ABI2: variants seen among roughly 807,000 people sequenced by gnomAD.
The protein encoded by ABI2 is abl interactor 2, also known as abelson interactor 2.
Under a neutral mutation model 59.2 loss-of-function variants are expected in ABI2, and 25 were observed. That is an observed-to-expected ratio of 0.42 (90% confidence interval 0.31 to 0.59). ABI2 has a LOEUF of 0.59. Among genes scored for constraint, ABI2 ranks in the 20% least tolerant of loss-of-function variants. The pLI is 0.14. For missense variants in ABI2, 545 were observed against 681.8 expected (o/e 0.80, Z 2.23); for synonymous variants, 213 against 235.5 (o/e 0.90, Z 0.87).
intron 2 of ABI2, among the ~76,000 whole-genome samples, chr2:203,371,914 TTTTA>T (rs1241333132): frequency 4.0e-5 from 6 of 151,746 alleles, no homozygotes; most frequent in African/African-American, 1.4e-4. Flanking sequence ...TCTTTTTTCT[TTTTA>T]TTTTTATTTT....
At chr2:203,398,914 G>A (rs2097111718) in intron 8 of ABI2, among the ~76,000 whole-genome samples, 1 of 152,046 alleles carries the variant, frequency 6.6e-6, no homozygotes, top group Admixed American at 6.5e-5. Context: ...GTGTTGTATT[G>A]TATGGGGATG....
intron 2 of ABI2, among the ~76,000 whole-genome samples, chr2:203,372,419 G>T (rs1237945732): frequency 6.6e-6 from 1 of 151,990 alleles, no homozygotes; most frequent in African/African-American, 2.4e-5. Flanking sequence ...TTGTCATCCC[G>T]GCCCGTTCTC....
At chr2:203,408,931 C>T (rs552692873) in intron 9 of ABI2, among the ~76,000 whole-genome samples, 72 of 136,492 alleles carry the variant, frequency 5.3e-4, no homozygotes, top group Non-Finnish European at 7.3e-4. Flanking sequence ...CTCCGCTTCC[C>T]GGGTTCACGC....
intron 1 of ABI2, among the ~76,000 whole-genome samples, chr2:203,338,046 A>G (rs1033293467): frequency 2.6e-5 from 4 of 152,176 alleles, no homozygotes; most frequent in African/African-American, 9.7e-5. Context: ...AGCTATAGTA[A>G]TCAAAACAGT....
intron 2 of ABI2, among the ~76,000 whole-genome samples, chr2:203,379,800 A>G (rs889542853): frequency 3.9e-5 from 6 of 152,240 alleles, no homozygotes; most frequent in Non-Finnish European, 8.8e-5. Context: ...GTTGTGGCTC[A>G]TCTCTGCCAT....
chr2:203,328,550 C>T lies in ABI2; in HGVS notation c.36C>T (p.Ile12=). The T allele has an allele frequency of 6.2e-7, 1 of 1,604,868 alleles. No individual in the cohort carries two copies. The highest frequency in any genetic ancestry group is 1.4e-5 in the African/African-American group (1 of 73,584). The stretch of plus-strand genomic sequence containing the variant: ...TGCAGATGCTGCTGGAAGAGGAAAT[C>T]CCGGGGGGCCGCCGGGCCCTCTTCG... The part of the protein sequence containing the change: ...AELQMLLEEE[I]PGGRRALFDS... The change falls in exon 1 of 12, where the codon ATC becomes ATT. Residue 12 remains isoleucine, a synonymous_variant. Transcript: ENST00000261018.
chr2:203,378,895 A>G (rs1578076023), intron 2 of ABI2, among the ~76,000 whole-genome samples: 1 of 152,266 alleles, frequency 6.6e-6, no homozygotes, highest in Non-Finnish European at 1.5e-5. Flanking sequence ...TCATGTATAT[A>G]TTTATATATA....
intron 6 of ABI2, chr2:203,395,093 GA>G (rs1318673619): frequency 1.4e-6 from 1 of 706,846 alleles, no homozygotes; most frequent in South Asian, 1.5e-5. Context: ...AGTTGATCTG[GA>G]AAAAAAATTA....
At position 203,384,164 on chromosome 2, in the gene ABI2, G is replaced by A. The variant is rs2096305668; in HGVS notation, c.480+1958G>A. Among the ~76,000 whole-genome samples the A allele has an allele frequency of 4.6e-5, 7 of 152,198 alleles. No individual in the cohort carries two copies. In the South Asian group the frequency reaches 1.2e-3, roughly 27 times the overall value. On this transcript the variant is annotated intron_variant, in intron 4 of 11. Transcript: ENST00000261018. ...AAAACACTATGGTAATAGTTTTATA[G>A]CAAAGGACGTACAAGGTCAGTGGAT...
Position 203,375,349 on chromosome 2 carries a change from C to T in ABI2, c.286-4859C>T, listed in dbSNP as rs991836501. 1.5e-4 allele frequency among the ~76,000 whole-genome samples: 23 copies of T among 152,038 alleles called. 1 individual carries two copies. Among genetic ancestry groups the T allele is most frequent in the Admixed American group, 1.3e-3 (20 of 15,268 alleles). On this transcript the variant is annotated intron_variant, in intron 2 of 11. Coordinates refer to ENST00000261018, the MANE Select transcript of ABI2 (RefSeq NM_001375670.1). ...GCTAGCAGAACACATTTTTTACTTG[C>T]CACAGGTGAGTGCTGTTATTGAGGT... is the stretch of plus-strand genomic sequence containing the variant.
At chr2:203,423,574 G>C (rs759808062) in intron 11 of ABI2, among the ~76,000 whole-genome samples, 11 of 152,088 alleles carry the variant, frequency 7.2e-5, no homozygotes, top group Non-Finnish European at 1.2e-4. Flanking sequence ...TACAGGCGCC[G>C]GCCACCATGC....
rs747005348 is a variant in ABI2, at chr2:203,395,711, A to T, written c.781A>T (p.Asn261Tyr). 1 of 1,612,312 alleles carries T rather than the reference A, an allele frequency of 6.2e-7. No individual in the cohort carries two copies. The highest frequency in any genetic ancestry group is 8.5e-7 in the Non-Finnish European group (1 of 1,179,278). ...HPSSRSSSRE[N>Y]SGSGSVGVPI... ...AAGTAGTCGGAGCAGCAGTCGAGAG[A>T]ACAGTGGAAGTGGTAGTGTGGGGGT... is the stretch of plus-strand genomic sequence containing the variant. Residue 261 changes from asparagine (N) to tyrosine (Y), a missense_variant, in exon 7 of 12, where the codon AAC becomes TAC. Asn to Tyr is a moderately radical substitution (Grantham distance 143). Coordinates refer to ENST00000261018, the MANE Select transcript of ABI2 (RefSeq NM_001375670.1).
At position 203,407,736 on chromosome 2, in the gene ABI2, G is replaced by A. The variant is rs552843009; in HGVS notation, c.1193-3549G>A. Among the ~76,000 whole-genome samples the A allele has an allele frequency of 2.0e-5, 3 of 152,254 alleles. No homozygotes were observed. In the South Asian group the frequency reaches 6.2e-4, roughly 32 times the overall value. On this transcript the variant is annotated intron_variant, in intron 9 of 11. Transcript: ENST00000261018. Reference sequence around the variant, plus strand: ...ATTGGGAAAGAGTCTTGTCTTATGAGGAATCATTTTAGCTAAATGAAATGA... The same window carrying A: ...ATTGGGAAAGAGTCTTGTCTTATGAAGAATCATTTTAGCTAAATGAAATGA...
intron 2 of ABI2, among the ~76,000 whole-genome samples, chr2:203,370,228 T>TATGTG (rs2095020294): frequency 8.5e-6 from 1 of 117,462 alleles, no homozygotes; most frequent in Non-Finnish European, 1.8e-5. Flanking sequence ...CTCTCTCTCT[T>TATGTG]TCTGTGTGTA....
At chr2:203,374,880 C>A (rs1345493916) in intron 2 of ABI2, 2 of 453,128 alleles carry the variant, frequency 4.4e-6, no homozygotes, top group East Asian at 1.4e-4. Context: ...AGTCAACTTT[C>A]AATTATCTGT....
At chr2:203,358,667 T>G (rs2092811743) in intron 1 of ABI2, among the ~76,000 whole-genome samples, 1 of 152,108 alleles carries the variant, frequency 6.6e-6, no homozygotes, top group South Asian at 2.1e-4. Flanking sequence ...CCTTGTATAT[T>G]AATAGTTCTG....
intron 1 of ABI2, among the ~76,000 whole-genome samples, chr2:203,357,547 T>C (rs1018316087): frequency 1.1e-4 from 16 of 152,224 alleles, no homozygotes; most frequent in African/African-American, 3.4e-4. Context: ...TCTGACACTT[T>C]GGTGTGTAGG....
intron 1 of ABI2, among the ~76,000 whole-genome samples, chr2:203,357,155 A>G (rs2092331491): frequency 1.3e-5 from 2 of 152,192 alleles, no homozygotes; most frequent in Non-Finnish European, 2.9e-5. Flanking sequence ...TTATGTAAGC[A>G]TATATAGTCC....
chr2:203,395,448 T>TATATATATATATACAC (rs750379504), intron 6 of ABI2, among the ~76,000 whole-genome samples: 181 of 115,312 alleles, frequency 1.6e-3, no homozygotes, highest in African/African-American at 2.3e-3. Flanking sequence ...TATATATATA[T>TATATATATATATACAC]ACACACACAC....
Sources: allele counts gnomAD v4.1 joint callset (sites outside exome capture counted in the v4.1 genomes callset), GRCh38; gene constraint gnomAD v4.1.1; transcripts MANE v1.5; gene names NCBI Gene and HGNC (gene_info 2026-07-23, HGNC 2026-07-21).